GAS7: variants seen among roughly 807,000 people sequenced by gnomAD.
The protein encoded by GAS7 is growth arrest-specific protein 7.
Under a neutral mutation model 71.1 loss-of-function variants are expected in GAS7, and 28 were observed. The observed-to-expected ratio is 0.39, with a 90% CI of 0.29 to 0.54. The LOEUF (loss-of-function observed/expected upper bound fraction) is 0.54, where lower values mean the gene tolerates loss of function less well. Among genes scored for constraint, GAS7 ranks in the 20% least tolerant of loss-of-function variants. GAS7 has a pLI of 0.62. For missense variants in GAS7, 436 were observed against 627.8 expected (o/e 0.69, Z 3.27); for synonymous variants, 258 against 245.8 (o/e 1.05, Z -0.46).
intron 1 of GAS7, among the ~76,000 whole-genome samples, chr17:10,063,045 T>G (rs1485337552): frequency 6.6e-6 from 1 of 152,226 alleles, no homozygotes; most frequent in Non-Finnish European, 1.5e-5. Flanking sequence ...AAGGCAACCC[T>G]TGCCTCGCTC....
At chr17:9,940,960 C>T (rs2068580742) in intron 7 of GAS7, among the ~76,000 whole-genome samples, 2 of 152,232 alleles carry the variant, frequency 1.3e-5, no homozygotes, top group Admixed American at 1.3e-4. Context: ...CCAACCAGAG[C>T]TGGCCAGAGC....
chr17:10,168,432 T>C (rs2074311042), intron 1 of GAS7, among the ~76,000 whole-genome samples: 2 of 152,352 alleles, frequency 1.3e-5, no homozygotes, highest in Non-Finnish European at 1.5e-5. Context: ...CCTTTTTTCA[T>C]TACTGCCCTC....
chr17:10,109,716 C>CCT (rs2142064263), intron 1 of GAS7, among the ~76,000 whole-genome samples: 1 of 152,252 alleles, frequency 6.6e-6, no homozygotes, highest in East Asian at 1.9e-4. Flanking sequence ...ATCAGGAGTT[C>CCT]AAGACCAGCC....
intron 1 of GAS7, among the ~76,000 whole-genome samples, chr17:10,063,966 A>G (rs2073249993): frequency 6.6e-6 from 1 of 152,038 alleles, no homozygotes; most frequent in South Asian, 2.1e-4. Context: ...TGCCAAAGAG[A>G]GCACCATTTT....
intron 1 of GAS7, among the ~76,000 whole-genome samples, chr17:10,053,241 C>T (rs2152237462): frequency 6.6e-6 from 1 of 152,280 alleles, no homozygotes; most frequent in Middle Eastern, 3.4e-3. Flanking sequence ...GGGAAAAGAT[C>T]AACAACGGCT....
chr17:10,159,542 A>ACC, intron 1 of GAS7, among the ~76,000 whole-genome samples: 1 of 150,448 alleles, frequency 6.6e-6, no homozygotes, highest in South Asian at 2.1e-4. Flanking sequence ...AGCCAGATGC[A>ACC]CCCCCCCCAA....
chr17:9,949,324 T>C (rs1285459868), intron 5 of GAS7, among the ~76,000 whole-genome samples: 1 of 152,172 alleles, frequency 6.6e-6, no homozygotes, highest in Non-Finnish European at 1.5e-5. Flanking sequence ...AAGCTGAAAA[T>C]GGGGACTTTT....
At chr17:9,921,725 C>T (rs538295086) in intron 11 of GAS7, among the ~76,000 whole-genome samples, 49 of 152,036 alleles carry the variant, frequency 3.2e-4, no homozygotes, top group African/African-American at 9.6e-4. Flanking sequence ...TTTGGGAGGC[C>T]GAGGCGGGTG....
intron 1 of GAS7, among the ~76,000 whole-genome samples, chr17:10,154,437 G>A (rs2074189435): frequency 6.6e-6 from 1 of 151,982 alleles, no homozygotes; most frequent in African/African-American, 2.4e-5. Context: ...CCAGGAGGTC[G>A]AGACTGCAGT....
rs544991000 is a variant in GAS7 at position 9,912,615 on chromosome 17, C to T, written c.*4613G>A. ...CGTGAGCAGCAATTGAGCACCCATC[C>T]GTCCCTTCCCCTCCCATCCCTGGAT... On this transcript the variant is annotated 3_prime_UTR_variant, in exon 14 of 14. Transcript: ENST00000432992. 21 of 232,922 alleles carry T rather than the reference C, an allele frequency of 9.0e-5. No individual in the cohort carries two copies. Among genetic ancestry groups the T allele is most frequent in the Middle Eastern group, 1.3e-3 (1 of 788 alleles). The allele number at this position is 232,922 out of a possible 1,614,324, so 14.4% of individuals were successfully genotyped here.
intron 1 of GAS7, among the ~76,000 whole-genome samples, chr17:10,021,699 A>G (rs2072275592): frequency 6.6e-6 from 1 of 152,172 alleles, no homozygotes; most frequent in Admixed American, 6.5e-5. Context: ...TTGCTGTCTC[A>G]CCAGCATGTC....
intron 4 of GAS7, among the ~76,000 whole-genome samples, chr17:9,962,154 A>G (rs948565925): frequency 4.6e-5 from 7 of 152,162 alleles, no homozygotes; most frequent in African/African-American, 1.7e-4. Flanking sequence ...GCCAAGGTAG[A>G]TCACAGGCAA....
At chr17:9,961,675 G>A (rs1313697480) in intron 4 of GAS7, among the ~76,000 whole-genome samples, 10 of 152,180 alleles carry the variant, frequency 6.6e-5, no homozygotes, top group Admixed American at 6.5e-4. Flanking sequence ...CAGGCTCCAG[G>A]TTAGCCATCT....
chr17:10,148,907 C>A (rs1325328041), intron 1 of GAS7, among the ~76,000 whole-genome samples: 1 of 34,800 alleles, frequency 2.9e-5, no homozygotes, highest in Non-Finnish European at 4.8e-5. Context: ...AAGACTCCGC[C>A]TCAAAAAAAA....
rs2067695353 is a variant in GAS7, at chr17:9,919,042, C to CCCATCTGGCCCAAGTACCAGCCACACTT, written c.1218+556_1218+583dup. On this transcript the variant is annotated intron_variant, in intron 12 of 13. Transcript: ENST00000432992. The surrounding 1 kb of genome is among the most constrained non-coding windows in gnomAD (Gnocchi z 5.0). ...GAGCACCTGGCATGATGCCTCCTGT[C>CCCATCTGGCCCAAGTACCAGCCACACTT]CCATCTGGCCCAAGTACCAGCCACA... Among the ~76,000 whole-genome samples the CCCATCTGGCCCAAGTACCAGCCACACTT allele has an allele frequency of 6.6e-6, 1 of 152,158 alleles. No homozygotes were observed. The highest frequency in any genetic ancestry group is 1.5e-5 in the Non-Finnish European group (1 of 68,022).
At chr17:9,949,691 C>T (rs918550442) in intron 5 of GAS7, among the ~76,000 whole-genome samples, 3 of 152,206 alleles carry the variant, frequency 2.0e-5, no homozygotes, top group South Asian at 2.1e-4. Context: ...GCAGGAATGA[C>T]GTGGACGACC....
At chr17:10,154,595 T>C (rs945897217) in intron 1 of GAS7, among the ~76,000 whole-genome samples, 4 of 152,028 alleles carry the variant, frequency 2.6e-5, no homozygotes, top group African/African-American at 9.7e-5. Context: ...AGAGGATCAC[T>C]TGAGGCCAGG....
At position 10,043,800 on chromosome 17, in the gene GAS7, G is replaced by C. The variant is rs141864353; in HGVS notation, c.184-23903C>G. ...AAATAAAAATAAATTAACCTGGCATGGTGCATGCCTGTAGACCCAGCTACT... is the reference window on the plus strand; with the variant it reads ...AAATAAAAATAAATTAACCTGGCATCGTGCATGCCTGTAGACCCAGCTACT... On this transcript the variant is annotated intron_variant, in intron 1 of 13. Transcript: ENST00000432992. Among the ~76,000 whole-genome samples, 860 of 152,204 alleles carry C rather than the reference G, an allele frequency of 5.7e-3. 13 individuals carry two copies. The highest frequency in any genetic ancestry group is 0.02 in the African/African-American group (810 of 41,530).
intron 1 of GAS7, among the ~76,000 whole-genome samples, chr17:10,046,719 G>C (rs9896576): frequency 0.051 from 6,395 of 125,870 alleles, 393 homozygotes; most frequent in African/African-American, 0.17. Context: ...CTGGGTGACA[G>C]AGCAAGACTC....
Sources: gnomAD v4.1 joint callset for allele counts (sites outside exome capture counted in the v4.1 genomes callset) on GRCh38, gnomAD v4.1.1 for gene constraint, Gnocchi (gnomAD v3.1) non-coding constraint, MANE v1.5 for transcripts, NCBI Gene and HGNC (gene_info 2026-07-23, HGNC 2026-07-21) for gene names.